Variants in ASIC2 observed in about 807,000 individuals in gnomAD.
ASIC2 encodes the protein acid-sensing ion channel 2.
In ASIC2, 25 loss-of-function variants were observed where a neutral mutation model predicts 57.3. The observed-to-expected ratio is 0.44, with a 90% confidence interval of 0.32 to 0.61. ASIC2 has a LOEUF of 0.61. Among genes scored for constraint, ASIC2 ranks in the 20% least tolerant of loss-of-function variants. The probability of loss-of-function intolerance (pLI) is 0.06; values close to 1 mark genes in which losing one functional copy is unlikely to be tolerated. For missense variants in ASIC2, 641 were observed against 738.1 expected (o/e 0.87, Z 1.52); for synonymous variants, 319 against 307.5 (o/e 1.04, Z -0.39).
At chr17:33,053,179 A>G (rs776778506) in intron 3 of ASIC2, among the ~76,000 whole-genome samples, 1 of 152,200 alleles carries the variant, frequency 6.6e-6, no homozygotes, top group Non-Finnish European at 1.5e-5. Context: ...TATTAGTTTT[A>G]TTAGTAAACA....
intron 5 of ASIC2, among the ~76,000 whole-genome samples, chr17:33,024,895 T>C (rs889946379): frequency 1.3e-5 from 2 of 152,178 alleles, no homozygotes; most frequent in Admixed American, 6.5e-5. Flanking sequence ...GTTTCCCCTG[T>C]TGTGATACTC....
chr17:34,132,341 A>G (rs565237637), intron 1 of ASIC2, among the ~76,000 whole-genome samples: 1 of 152,138 alleles, frequency 6.6e-6, no homozygotes, highest in Non-Finnish European at 1.5e-5. Flanking sequence ...GAAGAACAAA[A>G]CAACAAAGCT....
chr17:33,824,752 T>G (rs1344282977), intron 1 of ASIC2, among the ~76,000 whole-genome samples: 1 of 120,766 alleles, frequency 8.3e-6, no homozygotes, highest in Non-Finnish European at 1.7e-5. Flanking sequence ...TAAAGGGGAG[T>G]TCCCCTGCAC....
At chr17:33,883,268 GATGA>G (rs536041954) in intron 1 of ASIC2, among the ~76,000 whole-genome samples, 3 of 152,074 alleles carry the variant, frequency 2.0e-5, no homozygotes, top group Admixed American at 6.6e-5. Context: ...AAAAAAGTCT[GATGA>G]ATGAATGAAT....
At chr17:34,114,743 G>A (rs1170278857) in intron 1 of ASIC2, among the ~76,000 whole-genome samples, 1 of 152,152 alleles carries the variant, frequency 6.6e-6, no homozygotes, top group African/African-American at 2.4e-5. Flanking sequence ...GCAAAGGGTG[G>A]AGGCACAGAC....
chr17:33,666,347 T>A (rs1156704877), intron 1 of ASIC2, among the ~76,000 whole-genome samples: 1 of 151,904 alleles, frequency 6.6e-6, no homozygotes. Context: ...TTGGGGAGAT[T>A]TTGAGTGTGT....
intron 1 of ASIC2, among the ~76,000 whole-genome samples, chr17:33,664,884 G>A (rs1907419987): frequency 6.6e-6 from 1 of 152,142 alleles, no homozygotes; most frequent in African/African-American, 2.4e-5. Context: ...AGTCTTCCTG[G>A]TGCTATCTCA....
chr17:33,022,799 A>C (rs2091842323), intron 6 of ASIC2, among the ~76,000 whole-genome samples: 1 of 152,264 alleles, frequency 6.6e-6, no homozygotes, highest in Admixed American at 6.5e-5. Flanking sequence ...CAGGTAACAA[A>C]CAAGGAAACA....
chr17:33,803,817 C>T (rs539626210), intron 1 of ASIC2, among the ~76,000 whole-genome samples: 6 of 151,636 alleles, frequency 4.0e-5, no homozygotes, highest in African/African-American at 1.5e-4. Context: ...ATTATTGTAA[C>T]TGGCATTTTT....
chr17:33,072,262 T>G (rs1358408444), intron 3 of ASIC2, among the ~76,000 whole-genome samples: 1 of 152,166 alleles, frequency 6.6e-6, no homozygotes, highest in Admixed American at 6.5e-5. Flanking sequence ...GGGGTCACCA[T>G]CCCTTGTTGC....
chr17:33,806,719 G>A (rs1912277493), intron 1 of ASIC2, among the ~76,000 whole-genome samples: 1 of 152,124 alleles, frequency 6.6e-6, no homozygotes, highest in Non-Finnish European at 1.5e-5. Flanking sequence ...GTCCTGAATG[G>A]GGTCTCACAC....
At chr17:34,067,998 A>G (rs972369216) in intron 1 of ASIC2, among the ~76,000 whole-genome samples, 1 of 152,204 alleles carries the variant, frequency 6.6e-6, no homozygotes, top group African/African-American at 2.4e-5. Flanking sequence ...CATCTCTATT[A>G]TTTAATTTCT....
intron 1 of ASIC2, among the ~76,000 whole-genome samples, chr17:33,130,044 A>G (rs1373979579): frequency 6.6e-6 from 1 of 152,080 alleles, no homozygotes; most frequent in African/African-American, 2.4e-5. Flanking sequence ...ATAGCCCGTC[A>G]CACACTGAAC....
Position 33,292,161 on chromosome 17 carries a change from C to A in ASIC2, c.-46G>T, listed in dbSNP as rs1905505825. 4 of 1,022,906 alleles carry A rather than the reference C, an allele frequency of 3.9e-6. No homozygotes were observed. The highest frequency in any genetic ancestry group is 4.7e-6 in the Non-Finnish European group (4 of 856,592). 63.4% of individuals were successfully genotyped at this position (1,022,906 alleles called of 1,614,324 possible). Reference sequence around the variant, plus strand: ...GGCAGCGGCGGCGGCCCCGGCCGGGCGGAGCCGCCATGGGAGTCCGCAGCA... The same window carrying A: ...GGCAGCGGCGGCGGCCCCGGCCGGGAGGAGCCGCCATGGGAGTCCGCAGCA... On this transcript the variant is annotated 5_prime_UTR_variant, in exon 1 of 10. Coordinates refer to ENST00000225823, the MANE Select transcript of ASIC2 (RefSeq NM_183377.2).
intron 1 of ASIC2, among the ~76,000 whole-genome samples, chr17:33,673,585 G>A (rs555624910): frequency 3.9e-5 from 6 of 152,292 alleles, no homozygotes; most frequent in South Asian, 4.2e-4. Context: ...CAGGGAGCAG[G>A]AGAGGATTCC....
chr17:33,907,871 G>A (rs2141957271), intron 1 of ASIC2, among the ~76,000 whole-genome samples: 1 of 152,228 alleles, frequency 6.6e-6, no homozygotes, highest in East Asian at 1.9e-4. Context: ...AATTCAACAA[G>A]CATTTATGAA....
At chr17:33,106,112 G>A (rs1342988391) in intron 2 of ASIC2, among the ~76,000 whole-genome samples, 3 of 152,080 alleles carry the variant, frequency 2.0e-5, no homozygotes, top group South Asian at 2.1e-4. Flanking sequence ...TTCTCATAGC[G>A]GTTAATAGCA....
intron 1 of ASIC2, among the ~76,000 whole-genome samples, chr17:33,724,835 T>C (rs1009552824): frequency 4.0e-5 from 6 of 150,708 alleles, no homozygotes; most frequent in Admixed American, 2.6e-4. Flanking sequence ...CCCCAACACA[T>C]ACACACACAC....
chr17:34,096,455 C>T (rs530006698), intron 1 of ASIC2, among the ~76,000 whole-genome samples: 1 of 152,224 alleles, frequency 6.6e-6, no homozygotes, highest in East Asian at 1.9e-4. Flanking sequence ...ATTATGACAT[C>T]AAAGGTGCCT....
Sources: allele counts gnomAD v4.1 joint callset (sites outside exome capture counted in the v4.1 genomes callset), GRCh38; gene constraint gnomAD v4.1.1; transcripts MANE v1.5; gene names NCBI Gene and HGNC (gene_info 2026-07-23, HGNC 2026-07-21).